Variants in PCYOX1L observed in about 807,000 individuals in gnomAD.
The protein encoded by PCYOX1L is prenylcysteine oxidase 1-like.
A neutral mutation model predicts 44.1 loss-of-function variants in PCYOX1L; 40 were observed. The ratio of observed to expected loss-of-function variants is 0.91; its 90% CI spans 0.70 to 1.18. The LOEUF (loss-of-function observed/expected upper bound fraction) is 1.18, where lower values mean the gene tolerates loss of function less well. Ranked by LOEUF, PCYOX1L falls within the 50% of genes most tolerant of loss-of-function variation. The probability of loss-of-function intolerance (pLI) is 0.00; values close to 1 mark genes in which losing one functional copy is unlikely to be tolerated. For synonymous variants in PCYOX1L, 266 were observed against 282.8 expected (o/e 0.94, Z 0.60); for missense variants, 605 against 653.3 (o/e 0.93, Z 0.81).
Position 149,364,213 on chromosome 5 carries a change from A to G in PCYOX1L, c.470+3A>G. 6.2e-7 allele frequency: 1 copy of G among 1,613,810 alleles called. No homozygotes were observed. ...GAGGTCATGGAGAAGTTCATGAGGT[A>G]GGGCTGGCAGAGCTGTGGGGATGGC... is the stretch of plus-strand genomic sequence containing the variant. On this transcript the variant is annotated splice_donor_region_variant and intron_variant, in intron 3 of 5. Transcript: ENST00000274569.
chr5:149,362,641 G>T lies in PCYOX1L; in HGVS notation c.93G>T (p.Val31=). 1 of 1,614,112 alleles carries T rather than the reference G, an allele frequency of 6.2e-7. No homozygotes were observed. ...GGDAPPGKIA[V]VGAGIGGSAV... ...ACCTCCCGGGCCTGCTGACAGCGGT[G>T]GTTGGGGCTGGGATTGGGGGCTCTG... Residue 31 remains valine, a synonymous_variant, in exon 2 of 6, where the codon GTG becomes GTT. Transcript: ENST00000274569.
intron 5 of PCYOX1L, 104 bp from the exon 6 acceptor site, chr5:149,367,889 C>T: frequency 2.4e-6 from 3 of 1,272,528 alleles, no homozygotes; most frequent in Non-Finnish European, 3.3e-6. Flanking sequence ...CCCTGCTGCA[C>T]CCTGAGCACC....
chr5:149,367,451 G>A lies in PCYOX1L; in HGVS notation c.774G>A (p.Lys258=). The A allele has an allele frequency of 6.2e-7, 1 of 1,613,908 alleles. No individual in the cohort carries two copies. Among genetic ancestry groups the A allele is most frequent in the Non-Finnish European group, 8.5e-7 (1 of 1,179,874 alleles). The change falls in exon 5 of 6, where the codon AAG becomes AAA. Residue 258 remains lysine, a synonymous_variant. Coordinates refer to ENST00000274569, the MANE Select transcript of PCYOX1L (RefSeq NM_024028.4). ...GTTCCGGTTTGCTGAAGCTCACCAA[G>A]GCCAATGTGATCCATGCCACAGTGA... ...LVCSGLLKLT[K]ANVIHATVTS...
At position 149,362,787 on chromosome 5, in the gene PCYOX1L, G is replaced by A; in HGVS notation, c.239G>A (p.Gly80Glu). The A allele has an allele frequency of 6.2e-7, 1 of 1,614,148 alleles. No individual in the cohort carries two copies. Among genetic ancestry groups the A allele is most frequent in the Non-Finnish European group, 8.5e-7 (1 of 1,180,036 alleles). ...ISVNKQHYES[G>E]AASFHSLSLH... ...GTCAACAAGCAGCACTATGAGAGCG[G>A]GGCTGCCTCCTTCCACTCCCTGAGC... Residue 80 changes from glycine (G) to glutamate (E), a missense_variant, in exon 2 of 6, where the codon GGG becomes GAG. Transcript: ENST00000274569.
At chr5:149,365,154 CTCTT>C (rs1158243197) in intron 3 of PCYOX1L, 2 of 152,172 alleles carry the variant, frequency 1.3e-5, no homozygotes, top group African/African-American at 2.4e-5. Flanking sequence ...TTCCTTACCT[CTCTT>C]TCTGATATTT....
intron 1 of PCYOX1L, among the ~76,000 whole-genome samples, chr5:149,360,260 A>G (rs1260098900): frequency 6.6e-6 from 1 of 152,154 alleles, no homozygotes; most frequent in Non-Finnish European, 1.5e-5. Flanking sequence ...TGTAAATTAG[A>G]GAATTGGTGT....
At position 149,369,193 on chromosome 5, in the gene PCYOX1L, C is replaced by G. The variant is rs1300194206; in HGVS notation, c.*539C>G. The G allele has an allele frequency of 6.6e-6, 1 of 152,200 alleles. No homozygotes were observed. Among genetic ancestry groups the G allele is most frequent in the Non-Finnish European group, 1.5e-5 (1 of 68,054 alleles). 9.4% of individuals were successfully genotyped at this position (152,200 alleles called of 1,614,324 possible). A position where few individuals can be genotyped will look rare whatever the true frequency, so the allele number is the denominator to read the frequency against. ...TTTGAAGTACCTAGTTCAGAACTCCCTAGTCACCATCTCCAAGCCTGTCAA... is the reference window on the plus strand; with the variant it reads ...TTTGAAGTACCTAGTTCAGAACTCCGTAGTCACCATCTCCAAGCCTGTCAA... On this transcript the variant is annotated 3_prime_UTR_variant, in exon 6 of 6. Coordinates refer to ENST00000274569, the MANE Select transcript of PCYOX1L (RefSeq NM_024028.4).
chr5:149,360,591 T>A (rs1757979970), intron 1 of PCYOX1L, among the ~76,000 whole-genome samples: 1 of 152,234 alleles, frequency 6.6e-6, no homozygotes, highest in Non-Finnish European at 1.5e-5. Context: ...ACAGTACGGC[T>A]AAGCAGAGTG....
chr5:149,358,046 G>T lies in PCYOX1L; in HGVS notation c.-23G>T. 1.5e-6 allele frequency: 2 copies of T among 1,324,244 alleles called. No homozygotes were observed. Among genetic ancestry groups the T allele is most frequent in the East Asian group, 3.2e-5 (1 of 31,330 alleles). The allele number at this position is 1,324,244 out of a possible 1,614,324, so 82.0% of individuals were successfully genotyped here. A position where few individuals can be genotyped will look rare whatever the true frequency, so the allele number is the denominator to read the frequency against. On this transcript the variant is annotated 5_prime_UTR_variant, in exon 1 of 6. Coordinates refer to ENST00000274569, the MANE Select transcript of PCYOX1L (RefSeq NM_024028.4). ...CAACCCGCTAGCGCCTGAATCCGGC[G>T]TGCTGCCCGCTCGCCGCCCGCCATG...
At chr5:149,363,022 T>G in intron 2 of PCYOX1L, 179 bp downstream of exon 2, 2 of 768,386 alleles carry the variant, frequency 2.6e-6, no homozygotes, top group Non-Finnish European at 2.2e-6. Flanking sequence ...ACACAGTGAG[T>G]TAGTTGCAGA....
chr5:149,367,982 T>C lies in PCYOX1L; in HGVS notation c.824-11T>C, dbSNP rs1251745073. 6.6e-7 allele frequency: 1 copy of C among 1,521,540 alleles called. No homozygotes were observed. Among genetic ancestry groups the C allele is most frequent in the South Asian group, 1.3e-5 (1 of 75,236 alleles). The allele number at this position is 1,521,540 out of a possible 1,614,324, so 94.3% of individuals were successfully genotyped here. Reference sequence around the variant, plus strand: ...AAGGGAAAGTTGACTTTTGTGCTCTTTTCTTTCCAGAGGGGAAAGCCCTGT... The same window carrying C: ...AAGGGAAAGTTGACTTTTGTGCTCTCTTCTTTCCAGAGGGGAAAGCCCTGT... On this transcript the variant is annotated splice_polypyrimidine_tract_variant and intron_variant, in intron 5 of 5. Coordinates refer to ENST00000274569, the MANE Select transcript of PCYOX1L (RefSeq NM_024028.4).
At position 149,367,341 on chromosome 5, in the gene PCYOX1L, C is replaced by T. The variant is rs1410986845; in HGVS notation, c.683-19C>T. On this transcript the variant is annotated intron_variant, in intron 4 of 5. Coordinates refer to ENST00000274569, the MANE Select transcript of PCYOX1L (RefSeq NM_024028.4). ...ACGGCCCTGACAACCTATCAGCACC[C>T]ACTTCCCGCTTTGCCCAGGAGCCAT... 6.2e-7 allele frequency: 1 copy of T among 1,602,014 alleles called. No individual in the cohort carries two copies. Among genetic ancestry groups the T allele is most frequent in the South Asian group, 1.1e-5 (1 of 89,306 alleles).
Position 149,368,584 on chromosome 5 carries a change from A to G in PCYOX1L, c.1415A>G (p.Asn472Ser). Reference sequence around the variant, plus strand: ...AAGAATGTGGCCTTGCTGGCTTACAACCGCTGGTACCAGGACCTAGACAAG... The same window carrying G: ...AAGAATGTGGCCTTGCTGGCTTACAGCCGCTGGTACCAGGACCTAGACAAG... ...AAKNVALLAY[N>S]RWYQDLDKID... The change falls in exon 6 of 6, where the codon AAC becomes AGC. Residue 472 changes from asparagine to serine, a missense_variant. Physicochemically the swap from Asn to Ser is conservative, Grantham distance 46 (BLOSUM62 1). Coordinates refer to ENST00000274569, the MANE Select transcript of PCYOX1L (RefSeq NM_024028.4). The G allele has an allele frequency of 3.8e-6, 6 of 1,574,268 alleles. No homozygotes were observed. Among genetic ancestry groups the G allele is most frequent in the Non-Finnish European group, 5.2e-6 (6 of 1,164,134 alleles).
In PCYOX1L at chr5:149,362,630, C is replaced by T. The variant is rs1298565765; in HGVS notation, c.89-7C>T. 6.2e-7 allele frequency: 1 copy of T among 1,613,970 alleles called. No individual in the cohort carries two copies. The highest frequency in any genetic ancestry group is 1.7e-5 in the Admixed American group (1 of 60,034). On this transcript the variant is annotated splice_region_variant and splice_polypyrimidine_tract_variant and intron_variant, in intron 1 of 5. Coordinates refer to ENST00000274569, the MANE Select transcript of PCYOX1L (RefSeq NM_024028.4). Reference sequence around the variant, plus strand: ...TCTTCTTCCCTACCTCCCGGGCCTGCTGACAGCGGTGGTTGGGGCTGGGAT... The same window carrying T: ...TCTTCTTCCCTACCTCCCGGGCCTGTTGACAGCGGTGGTTGGGGCTGGGAT...
At chr5:149,363,248 A>C in intron 2 of PCYOX1L, 1 of 362,186 alleles carries the variant, frequency 2.8e-6, no homozygotes, top group Non-Finnish European at 5.4e-6. Context: ...AAATGTATAG[A>C]TTTAAGCTAA....
chr5:149,360,385 T>C (rs1757973572), intron 1 of PCYOX1L, among the ~76,000 whole-genome samples: 1 of 152,182 alleles, frequency 6.6e-6, no homozygotes, highest in Admixed American at 6.5e-5. Context: ...TTTGGGACTC[T>C]TTGCACATGG....
chr5:149,366,599 A>G (rs542940000), intron 4 of PCYOX1L, among the ~76,000 whole-genome samples: 2 of 152,318 alleles, frequency 1.3e-5, no homozygotes, highest in East Asian at 3.9e-4. Context: ...TGGAGAATGT[A>G]GGCTTCACAA....
chr5:149,362,031 CAG>C (rs1758024656), intron 1 of PCYOX1L: 1 of 154,190 alleles, frequency 6.5e-6, no homozygotes, highest in African/African-American at 2.4e-5. Context: ...TGTAAATGGC[CAG>C]AGAGTAAATA....
At chr5:149,359,594 T>C (rs1757952011) in intron 1 of PCYOX1L, among the ~76,000 whole-genome samples, 1 of 152,140 alleles carries the variant, frequency 6.6e-6, no homozygotes, top group South Asian at 2.1e-4. Flanking sequence ...CCCCGTTTTC[T>C]TAGGAACAGG....
Sources: allele counts gnomAD v4.1 joint callset (sites outside exome capture counted in the v4.1 genomes callset), GRCh38; gene constraint gnomAD v4.1.1; transcripts MANE v1.5; gene names NCBI Gene and HGNC (gene_info 2026-07-23, HGNC 2026-07-21).